PAK2: variants seen among roughly 807,000 people sequenced by gnomAD.
The protein encoded by PAK2 is p21 (RAC1) activated kinase 2.
Under a neutral mutation model 65.9 loss-of-function variants are expected in PAK2, and 21 were observed. That is an observed-to-expected ratio of 0.32 (90% CI 0.23 to 0.46). PAK2 has a LOEUF of 0.46. PAK2 is among the 20% of genes least tolerant of loss of function. The probability of loss-of-function intolerance (pLI) is 1.00; values close to 1 mark genes in which losing one functional copy is unlikely to be tolerated. For missense variants in PAK2, 324 were observed against 642.6 expected, an observed-to-expected ratio of 0.50 and a Z score of 5.36; for synonymous variants, 204 against 219.7, an observed-to-expected ratio of 0.93 and a Z score of 0.63.
At chr3:196,775,354 T>C (rs1453212504) in intron 1 of PAK2, among the ~76,000 whole-genome samples, 1 of 152,172 alleles carries the variant, frequency 6.6e-6, no homozygotes, top group East Asian at 1.9e-4. Flanking sequence ...CTGCATAGTA[T>C]ACTAACATTG....
At chr3:196,778,628 C>T (rs1399417129) in intron 1 of PAK2, among the ~76,000 whole-genome samples, 2 of 152,194 alleles carry the variant, frequency 1.3e-5, no homozygotes, top group African/African-American at 4.8e-5. Context: ...ATTGGTACCT[C>T]ACTGTTAACC....
intron 10 of PAK2, among the ~76,000 whole-genome samples, chr3:196,813,186 G>A (rs988373558): frequency 1.3e-5 from 2 of 151,930 alleles, no homozygotes; most frequent in Admixed American, 1.3e-4. Flanking sequence ...TTAAACTTGT[G>A]GATCAATTTT....
Position 196,828,300 on chromosome 3 carries a change from T to A in PAK2, c.1489-19T>A. The stretch of plus-strand genomic sequence containing the variant: ...ATGAATGGCACTTATACATTTATTT[T>A]TCCCCTTCTTTCTGGCAGCATCCTT... On this transcript the variant is annotated intron_variant, in intron 14 of 14. Coordinates refer to ENST00000327134, the MANE Select transcript of PAK2 (RefSeq NM_002577.4). 6.8e-7 allele frequency: 1 copy of A among 1,476,772 alleles called. No homozygotes were observed. The highest frequency in any genetic ancestry group is 1.2e-5 in the South Asian group (1 of 86,948). The allele number at this position is 1,476,772 out of a possible 1,614,324, so 91.5% of individuals were successfully genotyped here.
intron 2 of PAK2, among the ~76,000 whole-genome samples, chr3:196,796,047 C>G (rs1469489964): frequency 6.6e-6 from 1 of 152,222 alleles, no homozygotes; most frequent in Non-Finnish European, 1.5e-5. Context: ...AGGGCTCACG[C>G]TATGCGGTCC....
At chr3:196,806,537 C>T (rs1429601053) in intron 5 of PAK2, 42 bp from the exon 6 acceptor site, 1 of 1,203,162 alleles carries the variant, frequency 8.3e-7, no homozygotes, top group Admixed American at 1.7e-5. Context: ...GCATTTAAGC[C>T]TATTGGACTT....
At chr3:196,811,807 G>A (rs749130995) in intron 8 of PAK2, among the ~76,000 whole-genome samples, 4 of 152,046 alleles carry the variant, frequency 2.6e-5, no homozygotes, top group Non-Finnish European at 5.9e-5. Flanking sequence ...ATGGAGAAAT[G>A]CATGAAAATG....
chr3:196,799,529 G>C (rs894460538), intron 2 of PAK2, among the ~76,000 whole-genome samples: 2 of 152,144 alleles, frequency 1.3e-5, no homozygotes, highest in African/African-American at 2.4e-5. Flanking sequence ...GCCCTCTCCT[G>C]CTCTCTTTCT....
chr3:196,790,079 G>T (rs772670430), intron 2 of PAK2, among the ~76,000 whole-genome samples: 13 of 152,212 alleles, frequency 8.5e-5, no homozygotes, highest in Admixed American at 3.3e-4. Flanking sequence ...AGAATTCTCT[G>T]CTGTGTCATG....
intron 13 of PAK2, among the ~76,000 whole-genome samples, chr3:196,824,829 C>G (rs1711776715): frequency 1.3e-5 from 2 of 151,314 alleles, no homozygotes; most frequent in African/African-American, 4.9e-5. Context: ...AAAAACAAGA[C>G]CATAGGACTG....
chr3:196,746,830 A>AT (rs11385638), intron 1 of PAK2, among the ~76,000 whole-genome samples: 2,168 of 37,500 alleles, frequency 0.058, 116 homozygotes, highest in Admixed American at 0.24. Context: ...AAAAAAAAAA[A>AT]GGATAGGCCT....
intron 2 of PAK2, among the ~76,000 whole-genome samples, chr3:196,786,166 C>CCT (rs1714881413): frequency 7.0e-6 from 1 of 142,326 alleles, no homozygotes; most frequent in African/African-American, 2.6e-5. Flanking sequence ...ATCAATTTCT[C>CCT]TTTTTTTTTT....
At chr3:196,786,852 G>T (rs1191692998) in intron 2 of PAK2, among the ~76,000 whole-genome samples, 2 of 151,062 alleles carry the variant, frequency 1.3e-5, no homozygotes, top group African/African-American at 4.9e-5. Flanking sequence ...TTGAGGCAGG[G>T]TCTCACTCTG....
chr3:196,759,489 G>GTTGT (rs1713876528), intron 1 of PAK2, among the ~76,000 whole-genome samples: 1 of 98,854 alleles, frequency 1.0e-5, no homozygotes, highest in African/African-American at 4.3e-5. Flanking sequence ...CAGTTAAGTG[G>GTTGT]TTTTTTTTGT....
At chr3:196,751,644 C>A (rs1713586224) in intron 1 of PAK2, among the ~76,000 whole-genome samples, 1 of 110,348 alleles carries the variant, frequency 9.1e-6, no homozygotes, top group African/African-American at 4.1e-5. Flanking sequence ...AAGACTGTCC[C>A]CCCAAAAAAC....
At chr3:196,774,602 A>G (rs1714476596) in intron 1 of PAK2, among the ~76,000 whole-genome samples, 1 of 152,228 alleles carries the variant, frequency 6.6e-6, no homozygotes, top group South Asian at 2.1e-4. Flanking sequence ...GGTGTATTTG[A>G]GGAATATGAG....
chr3:196,812,064 C>G (rs376064226), intron 8 of PAK2, among the ~76,000 whole-genome samples, 155 bp from the exon 9 acceptor site: 5 of 152,044 alleles, frequency 3.3e-5, no homozygotes, highest in Admixed American at 6.6e-5. Flanking sequence ...TCCCCCACCC[C>G]CTTTCCTCAG....
intron 1 of PAK2, among the ~76,000 whole-genome samples, chr3:196,757,085 C>T (rs1434116189): frequency 2.0e-5 from 3 of 152,096 alleles, no homozygotes; most frequent in Admixed American, 6.5e-5. Context: ...AAGCTAATTC[C>T]GATTGGCTAT....
intron 1 of PAK2, among the ~76,000 whole-genome samples, chr3:196,752,639 G>A (rs1825679): frequency 0.015 from 2,302 of 152,144 alleles, 99 homozygotes; most frequent in Admixed American, 0.096. Flanking sequence ...TCACTCTGTT[G>A]CCCAGGCTGG....
At chr3:196,827,804 A>G (rs1711933014) in intron 14 of PAK2, among the ~76,000 whole-genome samples, 1 of 152,152 alleles carries the variant, frequency 6.6e-6, no homozygotes, top group Non-Finnish European at 1.5e-5. Context: ...ACAAAACCGT[A>G]ATGTGCAGTT....
Sources: gnomAD v4.1 joint callset for allele counts (sites outside exome capture counted in the v4.1 genomes callset) on GRCh38, gnomAD v4.1.1 for gene constraint, MANE v1.5 for transcripts, NCBI Gene and HGNC (gene_info 2026-07-23, HGNC 2026-07-21) for gene names.